Variants in MLLT3 observed in about 807,000 individuals in gnomAD.
The protein encoded by MLLT3 is MLLT3 super elongation complex subunit, also known as protein AF-9.
MLLT3 carries 4 observed loss-of-function variants against 53.2 expected under a neutral mutation model. That is an observed-to-expected ratio of 0.08 (90% confidence interval 0.04 to 0.17). The LOEUF (loss-of-function observed/expected upper bound fraction) is 0.17. Ranked by LOEUF, MLLT3 falls within the 10% of genes least tolerant of loss-of-function variation. The pLI, the probability that MLLT3 is intolerant of heterozygous loss-of-function variation, is 1.00. For synonymous variants in MLLT3, 283 were observed against 230.6 expected, an observed-to-expected ratio of 1.23 and a Z score of -2.06; for missense variants, 569 against 684.0, an observed-to-expected ratio of 0.83 and a Z score of 1.87.
chr9:20,474,953 T>C (rs1824484541), intron 2 of MLLT3, among the ~76,000 whole-genome samples: 1 of 151,924 alleles, frequency 6.6e-6, no homozygotes, highest in Admixed American at 6.6e-5. Context: ...TAAACTAGAG[T>C]AACTTAATGC....
intron 2 of MLLT3, among the ~76,000 whole-genome samples, chr9:20,567,595 C>A (rs1026211806): frequency 3.3e-5 from 5 of 152,104 alleles, no homozygotes; most frequent in African/African-American, 1.2e-4. Context: ...TCCAAGAAAG[C>A]GTAACTGCAA....
intron 2 of MLLT3, among the ~76,000 whole-genome samples, chr9:20,535,381 T>G (rs1326989837): frequency 6.6e-6 from 1 of 152,146 alleles, no homozygotes; most frequent in Non-Finnish European, 1.5e-5. Flanking sequence ...TGGGGACCAC[T>G]GTTTTTCCAT....
intron 2 of MLLT3, among the ~76,000 whole-genome samples, chr9:20,544,832 C>T (rs1818744449): frequency 1.3e-5 from 2 of 152,146 alleles, no homozygotes; most frequent in Non-Finnish European, 1.5e-5. Flanking sequence ...TGCCTATAAT[C>T]CCACCACTCT....
chr9:20,539,468 T>G (rs1818569062), intron 2 of MLLT3, among the ~76,000 whole-genome samples: 1 of 152,142 alleles, frequency 6.6e-6, no homozygotes, highest in African/African-American at 2.4e-5. Context: ...AAACTTACAA[T>G]CATGGCTGAA....
chr9:20,480,022 T>C (rs1476535239), intron 2 of MLLT3, among the ~76,000 whole-genome samples: 1 of 152,210 alleles, frequency 6.6e-6, no homozygotes, highest in Non-Finnish European at 1.5e-5. Context: ...ATATAAAATG[T>C]GACCATATCA....
intron 2 of MLLT3, among the ~76,000 whole-genome samples, chr9:20,484,534 C>G (rs1467403694): frequency 1.3e-5 from 2 of 152,104 alleles, no homozygotes; most frequent in Non-Finnish European, 2.9e-5. Flanking sequence ...ATGAGATGCA[C>G]CTACTACCCA....
At chr9:20,548,582 T>C (rs969051667) in intron 2 of MLLT3, among the ~76,000 whole-genome samples, 1 of 152,210 alleles carries the variant, frequency 6.6e-6, no homozygotes, top group African/African-American at 2.4e-5. Context: ...ACCCTAATTA[T>C]GTGAAATTGT....
chr9:20,357,470 TG>T (rs1821198870), intron 8 of MLLT3, among the ~76,000 whole-genome samples: 1 of 152,214 alleles, frequency 6.6e-6, no homozygotes. Context: ...AGAAGAATTG[TG>T]GTTTAGTAGC....
At chr9:20,362,964 G>A (rs1821363258) in intron 7 of MLLT3, 1 of 152,184 alleles carries the variant, frequency 6.6e-6, no homozygotes, top group Non-Finnish European at 1.5e-5. Context: ...ATGGAATTAT[G>A]CCTCACAGCA....
At chr9:20,389,136 G>A (rs1822120307) in intron 5 of MLLT3, among the ~76,000 whole-genome samples, 1 of 152,226 alleles carries the variant, frequency 6.6e-6, no homozygotes, top group South Asian at 2.1e-4. Flanking sequence ...CCAATGAACA[G>A]AAAGGCAAAT....
At chr9:20,363,450 A>T (rs1821374099) in intron 7 of MLLT3, 26 bp downstream of exon 7, 1 of 1,611,902 alleles carries the variant, frequency 6.2e-7, no homozygotes, top group African/African-American at 1.3e-5. Flanking sequence ...CATCACAGGC[A>T]ACCCCTTTCC....
intron 2 of MLLT3, among the ~76,000 whole-genome samples, chr9:20,499,900 T>TA (rs11378982): frequency 0.27 from 41,421 of 151,324 alleles, 6,320 homozygotes; most frequent in African/African-American, 0.41. Context: ...ACCTGTCTCT[T>TA]AAAAAAAAAT....
intron 2 of MLLT3, among the ~76,000 whole-genome samples, chr9:20,478,229 G>A (rs2118900331): frequency 6.6e-6 from 1 of 152,170 alleles, no homozygotes; most frequent in East Asian, 1.9e-4. Context: ...TCTCTTCTCA[G>A]ATATGTTAAT....
chr9:20,598,089 A>T (rs1198446832), intron 2 of MLLT3, among the ~76,000 whole-genome samples: 6 of 152,264 alleles, frequency 3.9e-5, no homozygotes. Flanking sequence ...TTTTGGATTC[A>T]TAACAGCTTG....
chr9:20,490,982 A>C (rs1471964112), intron 2 of MLLT3, among the ~76,000 whole-genome samples: 1 of 152,132 alleles, frequency 6.6e-6, no homozygotes, highest in East Asian at 1.9e-4. Context: ...AATTTGACTA[A>C]ATTTCACTCA....
chr9:20,372,745 A>G (rs541484679), intron 5 of MLLT3, among the ~76,000 whole-genome samples: 21 of 151,954 alleles, frequency 1.4e-4, no homozygotes, highest in Admixed American at 2.6e-4. Context: ...ACAGCCACTC[A>G]TATCTTCAGC....
At chr9:20,526,595 C>A (rs987065735) in intron 2 of MLLT3, among the ~76,000 whole-genome samples, 5 of 152,130 alleles carry the variant, frequency 3.3e-5, no homozygotes, top group African/African-American at 1.2e-4. Context: ...CAATGATTGA[C>A]AGTTTTAAGC....
At chr9:20,371,820 A>C (rs1207624772) in intron 5 of MLLT3, among the ~76,000 whole-genome samples, 1 of 152,238 alleles carries the variant, frequency 6.6e-6, no homozygotes, top group Non-Finnish European at 1.5e-5. Context: ...ACATTTTGTA[A>C]GGCTATAGGT....
intron 2 of MLLT3, among the ~76,000 whole-genome samples, chr9:20,617,786 T>C (rs921938060): frequency 3.9e-5 from 6 of 152,162 alleles, no homozygotes; most frequent in Non-Finnish European, 5.9e-5. Context: ...TAGTTTTAAA[T>C]TGAAGGTCTC....
Sources: allele counts gnomAD v4.1 joint callset (sites outside exome capture counted in the v4.1 genomes callset), GRCh38; gene constraint gnomAD v4.1.1; transcripts MANE v1.5; gene names NCBI Gene and HGNC (gene_info 2026-07-23, HGNC 2026-07-21).